Variants in BACH2 observed in about 807,000 individuals in gnomAD.
BACH2 encodes BACH transcriptional regulator 2.
In BACH2, 5 loss-of-function variants were observed where a neutral mutation model predicts 61.8. The ratio of observed to expected loss-of-function variants is 0.08; its 90% CI spans 0.04 to 0.17. The LOEUF is 0.17. BACH2 is among the 10% of genes least tolerant of loss of function. The probability of loss-of-function intolerance (pLI) is 1.00; values close to 1 mark genes in which losing one functional copy is unlikely to be tolerated. For synonymous variants in BACH2, 446 were observed against 440.1 expected (o/e 1.01, Z -0.17); for missense variants, 824 against 1,091.1 (o/e 0.76, Z 3.45).
intron 5 of BACH2, among the ~76,000 whole-genome samples, chr6:90,024,136 A>C (rs1778515285): frequency 7.4e-6 from 1 of 134,980 alleles, no homozygotes; most frequent in African/African-American, 3.3e-5. Flanking sequence ...ACTTTTCTAC[A>C]TCTACTATAT....
intron 5 of BACH2, among the ~76,000 whole-genome samples, chr6:90,011,267 T>C (rs1042199082): frequency 1.3e-5 from 2 of 152,242 alleles, no homozygotes; most frequent in African/African-American, 2.4e-5. Flanking sequence ...TCCTTTTGCA[T>C]AGGAATATCC....
At chr6:89,945,686 G>T (rs1773679907) in intron 7 of BACH2, among the ~76,000 whole-genome samples, 1 of 152,114 alleles carries the variant, frequency 6.6e-6, no homozygotes. Flanking sequence ...CATCTTAGTA[G>T]GGTGGATTTT....
At chr6:90,139,872 G>T (rs1444500235) in intron 4 of BACH2, among the ~76,000 whole-genome samples, 1 of 152,186 alleles carries the variant, frequency 6.6e-6, no homozygotes, top group Non-Finnish European at 1.5e-5. Context: ...CATTGTTTCA[G>T]ACGGTTAAGC....
At chr6:90,296,029 C>G (rs1772359242) in intron 1 of BACH2, among the ~76,000 whole-genome samples, 1 of 152,062 alleles carries the variant, frequency 6.6e-6, no homozygotes, top group Admixed American at 6.5e-5. Flanking sequence ...GGATCGCAGG[C>G]TGGGGGCCGG....
At chr6:90,250,460 C>T (rs1334930074) in intron 3 of BACH2, among the ~76,000 whole-genome samples, 1 of 152,202 alleles carries the variant, frequency 6.6e-6, no homozygotes, top group African/African-American at 2.4e-5. Flanking sequence ...TTTTCAAACA[C>T]ACATGTAGTT....
intron 4 of BACH2, among the ~76,000 whole-genome samples, chr6:90,173,676 G>A (rs1562487050): frequency 6.6e-6 from 1 of 152,076 alleles, no homozygotes; most frequent in African/African-American, 2.4e-5. Context: ...CAGACGTGAG[G>A]GAAGGAAACT....
chr6:90,019,280 C>T (rs570054804), intron 5 of BACH2, among the ~76,000 whole-genome samples: 17 of 152,162 alleles, frequency 1.1e-4, no homozygotes, highest in African/African-American at 3.9e-4. Flanking sequence ...AATGTGCCTA[C>T]ACCAAGATAG....
intron 2 of BACH2, among the ~76,000 whole-genome samples, chr6:90,263,108 A>G (rs546694224): frequency 5.4e-4 from 83 of 152,342 alleles, no homozygotes; most frequent in African/African-American, 1.9e-3. Context: ...AGGAAATAAA[A>G]GACAAAATGT....
intron 5 of BACH2, among the ~76,000 whole-genome samples, chr6:90,034,320 A>G (rs1366209384): frequency 6.6e-6 from 1 of 152,152 alleles, no homozygotes; most frequent in Non-Finnish European, 1.5e-5. Flanking sequence ...AGGCAACATG[A>G]AATGCTTAAT....
intron 4 of BACH2, among the ~76,000 whole-genome samples, chr6:90,166,125 C>T (rs1455035888): frequency 6.6e-6 from 1 of 152,082 alleles, no homozygotes; most frequent in South Asian, 2.1e-4. Flanking sequence ...AACAGGCAAC[C>T]TACAAAATGG....
chr6:89,960,822 CTAGGGGGAGCGT>C (rs1345369835), intron 6 of BACH2, among the ~76,000 whole-genome samples: 1 of 152,226 alleles, frequency 6.6e-6, no homozygotes, highest in Non-Finnish European at 1.5e-5. Flanking sequence ...AAGCTGATGT[CTAGGGGGAGCGT>C]TACGTGTCCC....
intron 4 of BACH2, among the ~76,000 whole-genome samples, chr6:90,134,402 G>C (rs11969733): frequency 0.096 from 14,651 of 152,190 alleles, 2,173 homozygotes; most frequent in African/African-American, 0.32. Context: ...CCTGTTTGTA[G>C]TATCAACCTA....
intron 6 of BACH2, among the ~76,000 whole-genome samples, chr6:90,004,398 T>G (rs1277043206): frequency 6.6e-6 from 1 of 152,148 alleles, no homozygotes; most frequent in Non-Finnish European, 1.5e-5. Flanking sequence ...GGGGCCATAC[T>G]CACCCCCAGC....
chr6:90,108,857 T>C (rs1167452097), intron 4 of BACH2, among the ~76,000 whole-genome samples: 1 of 152,142 alleles, frequency 6.6e-6, no homozygotes, highest in African/African-American at 2.4e-5. Flanking sequence ...ACCTGCCCCA[T>C]TCTTGGGCTT....
At chr6:90,045,983 G>T (rs773688990) in intron 5 of BACH2, among the ~76,000 whole-genome samples, 2 of 151,966 alleles carry the variant, frequency 1.3e-5, no homozygotes, top group Non-Finnish European at 2.9e-5. Context: ...GTTCATATCT[G>T]CTCCCCTGCT....
chr6:89,947,776 T>G (rs557643269), intron 7 of BACH2, among the ~76,000 whole-genome samples: 26 of 152,008 alleles, frequency 1.7e-4, no homozygotes, highest in Non-Finnish European at 3.5e-4. Context: ...TTTCACCGTG[T>G]TAGCCAGGAT....
chr6:90,012,361 G>C (rs921749830), intron 5 of BACH2, among the ~76,000 whole-genome samples: 3 of 151,936 alleles, frequency 2.0e-5, no homozygotes, highest in Admixed American at 6.5e-5. Flanking sequence ...CGGGCATGGT[G>C]GCTTACGCCT....
At chr6:90,142,052 T>C (rs1784478657) in intron 4 of BACH2, among the ~76,000 whole-genome samples, 1 of 152,216 alleles carries the variant, frequency 6.6e-6, no homozygotes. Context: ...CTGCACTTCA[T>C]CCTGGGTGAC....
At chr6:90,120,011 C>G (rs1783557962) in intron 4 of BACH2, among the ~76,000 whole-genome samples, 2 of 152,224 alleles carry the variant, frequency 1.3e-5, no homozygotes, top group South Asian at 2.1e-4. Context: ...GATCAAGAGT[C>G]AGAAGACCTG....
Sources: gnomAD v4.1 joint callset for allele counts (sites outside exome capture counted in the v4.1 genomes callset) on GRCh38, gnomAD v4.1.1 for gene constraint, MANE v1.5 for transcripts, NCBI Gene and HGNC (gene_info 2026-07-23, HGNC 2026-07-21) for gene names.